Variants in NAPA observed in about 807,000 individuals in gnomAD.
The protein encoded by NAPA is NSF attachment protein alpha.
NAPA carries 18 observed loss-of-function variants against 48.0 expected under a neutral mutation model. The observed-to-expected ratio is 0.38, with a 90% CI of 0.26 to 0.56. NAPA has a LOEUF of 0.56. Ranked by LOEUF, NAPA falls within the 20% of genes least tolerant of loss-of-function variation. The pLI, the probability that NAPA is intolerant of heterozygous loss-of-function variation, is 0.77. For missense variants in NAPA, 315 were observed against 385.0 expected, an observed-to-expected ratio of 0.82 and a Z score of 1.52; for synonymous variants, 152 against 149.9, an observed-to-expected ratio of 1.01 and a Z score of -0.10.
At chr19:47,489,793 C>T (rs1968189638) in intron 9 of NAPA, 32 bp from the exon 10 acceptor site, 1 of 1,611,170 alleles carries the variant, frequency 6.2e-7, no homozygotes, top group Non-Finnish European at 8.5e-7. Context: ...GGGTCAGGGG[C>T]CTATGCTGAC....
chr19:47,514,420 C>T (rs1345812975), intron 1 of NAPA, among the ~76,000 whole-genome samples: 1 of 152,094 alleles, frequency 6.6e-6, no homozygotes, highest in Non-Finnish European at 1.5e-5. Flanking sequence ...CAAACAGACT[C>T]CCCTAGAGCT....
chr19:47,500,504 C>A lies in NAPA; in HGVS notation c.295+129G>T, dbSNP rs1051948940. Reference sequence around the variant, plus strand: ...GTCAACGCTCACTCTGCCTCAGGCACGCCCCTGCCAGCCTATCACATGTCG... The same window carrying A: ...GTCAACGCTCACTCTGCCTCAGGCAAGCCCCTGCCAGCCTATCACATGTCG... On this transcript the variant is annotated intron_variant, in intron 3 of 10. Transcript: ENST00000263354. The A allele has an allele frequency of 2.2e-5, 15 of 673,124 alleles. No individual in the cohort carries two copies. The East Asian group carries it at 4.8e-4, about 22-fold the overall frequency. 41.7% of individuals were successfully genotyped at this position (673,124 alleles called of 1,614,324 possible). A position where few individuals can be genotyped will look rare whatever the true frequency, so the allele number is the denominator to read the frequency against.
downstream of NAPA, among the ~76,000 whole-genome samples, chr19:47,487,473 G>C (rs1385910026): frequency 6.6e-6 from 1 of 152,048 alleles, no homozygotes; most frequent in Non-Finnish European, 1.5e-5. Flanking sequence ...CACCGTCCCT[G>C]GGTCTCCCCC....
intron 3 of NAPA, among the ~76,000 whole-genome samples, chr19:47,499,670 C>T (rs142097708): frequency 2.8e-4 from 43 of 152,348 alleles, no homozygotes; most frequent in Non-Finnish European, 5.3e-4. Flanking sequence ...AGCTACTGGT[C>T]AACACAAATT....
intron 1 of NAPA, among the ~76,000 whole-genome samples, chr19:47,511,251 C>G (rs1254592407): frequency 6.6e-6 from 1 of 152,194 alleles, no homozygotes; most frequent in Non-Finnish European, 1.5e-5. Flanking sequence ...ACAAGCAAAC[C>G]CAGATCAGAG....
At chr19:47,495,210 T>A (rs999203067) in intron 4 of NAPA, 19 of 348,562 alleles carry the variant, frequency 5.5e-5, no homozygotes, top group African/African-American at 4.0e-4. Context: ...CCCAGGCTGG[T>A]CTCGAACTCC....
rs1457252973 is a variant in NAPA at position 47,503,487 on chromosome 19, T to C, written c.114A>G (p.Ile38Met). The change falls in exon 2 of 11, where the codon ATA (isoleucine) becomes ATG (methionine). Residue 38 changes from isoleucine (I) to methionine (M), a missense_variant. Around this residue, in one of 3 missense-constraint regions of NAPA, gnomAD observed 173 missense variants for 213.5 expected, o/e 0.81. Coordinates refer to ENST00000263354, the MANE Select transcript of NAPA (RefSeq NM_003827.4). ...FSGLFGGSSK[I>M]EEACEIYARA... Reference sequence around the variant, plus strand: ...TGGCGTAGATTTCGCATGCTTCCTCTATTTTGGATGAGCCTCTGGGGAAAA... The same window carrying C: ...TGGCGTAGATTTCGCATGCTTCCTCCATTTTGGATGAGCCTCTGGGGAAAA... 1.2e-6 allele frequency: 2 copies of C among 1,614,064 alleles called. No individual in the cohort carries two copies. Among genetic ancestry groups the C allele is most frequent in the African/African-American group, 2.7e-5 (2 of 74,924 alleles).
At position 47,504,091 on chromosome 19, in the gene NAPA, TA is replaced by T. The variant is rs929537051; in HGVS notation, c.99-590del. ...GATATAAGATGTTCCCATTTGTGTT[TA>T]AAAAAAAAAGAGGGTGGGCTGGGTG... On this transcript the variant is annotated intron_variant, in intron 1 of 10. Transcript: ENST00000263354. Among the ~76,000 whole-genome samples the T allele has an allele frequency of 4.6e-3, 682 of 148,566 alleles. 2 individuals are homozygous for T. The highest frequency in any genetic ancestry group is 0.016 in the African/African-American group (645 of 40,744).
chr19:47,486,320 A>G (rs1848878245), downstream of NAPA, among the ~76,000 whole-genome samples: 3 of 151,998 alleles, frequency 2.0e-5, no homozygotes, highest in Admixed American at 1.3e-4. Context: ...GCACCACTGC[A>G]CTCCAGCCTG....
chr19:47,504,645 A>G (rs947461349), intron 1 of NAPA, among the ~76,000 whole-genome samples: 1 of 151,946 alleles, frequency 6.6e-6, no homozygotes, highest in Admixed American at 6.6e-5. Flanking sequence ...AAATATATAC[A>G]TATATACACA....
rs1968694977 is a variant in NAPA at position 47,506,433 on chromosome 19, C to T, written c.99-2931G>A. Among the ~76,000 whole-genome samples the T allele has an allele frequency of 6.6e-6, 1 of 152,204 alleles. No individual in the cohort carries two copies. The highest frequency in any genetic ancestry group is 1.5e-5 in the Non-Finnish European group (1 of 68,028). ...TCAGAAGGACCTTCTCTGGAATGTTCTCTTAAAGGGACATTTTCAGACCTT... is the reference window on the plus strand; with the variant it reads ...TCAGAAGGACCTTCTCTGGAATGTTTTCTTAAAGGGACATTTTCAGACCTT... On this transcript the variant is annotated intron_variant, in intron 1 of 10. Transcript: ENST00000263354. The surrounding 1 kb of genome is among the most constrained non-coding windows in gnomAD (Gnocchi z 4.0).
chr19:47,495,299 A>G (rs2056692), intron 4 of NAPA: 8 of 560,934 alleles, frequency 1.4e-5, no homozygotes, highest in Admixed American at 1.2e-4. Flanking sequence ...CAGCTCAATA[A>G]CCTAAGTTCT....
downstream of NAPA, among the ~76,000 whole-genome samples, chr19:47,486,280 G>A (rs1468300034): frequency 2.6e-5 from 4 of 152,028 alleles, no homozygotes; most frequent in African/African-American, 7.2e-5. Flanking sequence ...GCTTGAACCC[G>A]GGAGGCAGAG....
intron 9 of NAPA, among the ~76,000 whole-genome samples, chr19:47,490,154 TGTGTGTGTG>T (rs1256386763): frequency 6.8e-6 from 1 of 146,400 alleles, no homozygotes; most frequent in East Asian, 2.0e-4. Flanking sequence ...GTGTGTTCGG[TGTGTGTGTG>T]GGGTGTGTGT....
chr19:47,494,538 G>T (rs1968365165), intron 4 of NAPA, among the ~76,000 whole-genome samples: 1 of 152,004 alleles, frequency 6.6e-6, no homozygotes, highest in Non-Finnish European at 1.5e-5. Context: ...AGGAGTCTGA[G>T]ACCAGCCTGG....
intron 4 of NAPA, among the ~76,000 whole-genome samples, chr19:47,494,694 C>T (rs935763490): frequency 6.9e-6 from 1 of 144,218 alleles, no homozygotes; most frequent in Admixed American, 7.2e-5. Flanking sequence ...GTGGAGATCA[C>T]GCCACTGAAC....
At chr19:47,501,781 A>C (rs1012279475) in intron 2 of NAPA, among the ~76,000 whole-genome samples, 1 of 152,154 alleles carries the variant, frequency 6.6e-6, no homozygotes, top group Non-Finnish European at 1.5e-5. Flanking sequence ...CTCAGCTCTG[A>C]GGCTTCTCCC....
chr19:47,515,021 T>G lies in NAPA; in HGVS notation c.-81A>C. 7.2e-7 allele frequency: 1 copy of G among 1,380,196 alleles called. No homozygotes were observed. The highest frequency in any genetic ancestry group is 1.0e-6 in the Non-Finnish European group (1 of 1,001,380). 85.5% of individuals were successfully genotyped at this position (1,380,196 alleles called of 1,614,324 possible). On this transcript the variant is annotated 5_prime_UTR_variant, in exon 1 of 11. Transcript: ENST00000263354. The stretch of plus-strand genomic sequence containing the variant: ...CCGCGGCCGGGCCGCGGAACACAGA[T>G]CGGTAAAACTCGCCCGGCTGCGTTG...
intron 9 of NAPA, among the ~76,000 whole-genome samples, chr19:47,490,208 G>A (rs192461809): frequency 2.0e-4 from 30 of 147,072 alleles, no homozygotes; most frequent in African/African-American, 7.3e-4. Context: ...TGTGTGTGTG[G>A]GGTGTGTCAT....
Sources: allele counts gnomAD v4.1 joint callset (sites outside exome capture counted in the v4.1 genomes callset), GRCh38; gene constraint gnomAD v4.1.1; regional missense constraint gnomAD v4.1.1; non-coding constraint Gnocchi (gnomAD v3.1); transcripts MANE v1.5; gene names NCBI Gene and HGNC (gene_info 2026-07-23, HGNC 2026-07-21).